STAT4: variants seen among roughly 807,000 people sequenced by gnomAD.
STAT4 encodes signal transducer and activator of transcription 4.
In STAT4, 42 loss-of-function variants were observed where a neutral mutation model predicts 110.5. The ratio of observed to expected loss-of-function variants is 0.38; its 90% CI spans 0.30 to 0.49. STAT4 has a LOEUF of 0.49. STAT4 is among the 20% of genes least tolerant of loss of function. The pLI is 0.95. For synonymous variants in STAT4, 284 were observed against 302.2 expected (o/e 0.94, Z 0.63); for missense variants, 632 against 887.9 (o/e 0.71, Z 3.66).
chr2:191,082,637 T>C lies in STAT4; in HGVS notation c.274-6312A>G, dbSNP rs575809709. On this transcript the variant is annotated intron_variant, in intron 3 of 23. Coordinates refer to ENST00000392320, the MANE Select transcript of STAT4 (RefSeq NM_003151.4). This position sits in a 1 kb window ranked among gnomAD's most constrained non-coding sequence, Gnocchi z 4.7. ...GCTATTTATTCTTTTTGCTACTTTA[T>C]GCTAAATTTCTTGGCTTTCCTTCAA... is the stretch of plus-strand genomic sequence containing the variant. Among the ~76,000 whole-genome samples the C allele has an allele frequency of 2.0e-5, 3 of 152,374 alleles. No homozygotes were observed. Among genetic ancestry groups the C allele is most frequent in the Non-Finnish European group, 4.4e-5 (3 of 68,036 alleles).
Position 191,058,450 on chromosome 2 carries a change from G to A in STAT4, c.1095-231C>T, listed in dbSNP as rs1228102795. On this transcript the variant is annotated intron_variant, in intron 11 of 23. Transcript: ENST00000392320. The surrounding 1 kb of genome is among the most constrained non-coding windows in gnomAD (Gnocchi z 4.3). ...GTAGCTGGGATTACAGGCATGAGCC[G>A]CCGCACCCGGTCTCTATGATACTTT... 6.6e-6 allele frequency among the ~76,000 whole-genome samples: 1 copy of A among 151,998 alleles called. No homozygotes were observed. Among genetic ancestry groups the A allele is most frequent in the Non-Finnish European group, 1.5e-5 (1 of 67,994 alleles).
At chr2:191,119,509 T>C (rs1051609946) in intron 3 of STAT4, among the ~76,000 whole-genome samples, 5 of 152,172 alleles carry the variant, frequency 3.3e-5, no homozygotes, top group Non-Finnish European at 7.3e-5. Context: ...CTGTAAAGCA[T>C]TGCTAAGAGA....
At position 191,042,938 on chromosome 2, in the gene STAT4, C is replaced by T. The variant is rs1696249488; in HGVS notation, c.1252-1790G>A. Reference sequence around the variant, plus strand: ...GGGATTACAGGCATGCGCCACCATGCCTGGCTAATTTTGTATTTTTAGTAG... The same window carrying T: ...GGGATTACAGGCATGCGCCACCATGTCTGGCTAATTTTGTATTTTTAGTAG... On this transcript the variant is annotated intron_variant, in intron 14 of 23. Transcript: ENST00000392320. This position sits in a 1 kb window ranked among gnomAD's most constrained non-coding sequence, Gnocchi z 4.2. Among the ~76,000 whole-genome samples the T allele has an allele frequency of 6.6e-6, 1 of 152,098 alleles. No individual in the cohort carries two copies. The highest frequency in any genetic ancestry group is 2.1e-4 in the South Asian group (1 of 4,830).
rs1699382609 is a variant in STAT4 at position 191,143,337 on chromosome 2, C to T, written c.273+3276G>A. Among the ~76,000 whole-genome samples, 1 of 152,196 alleles carries T rather than the reference C, an allele frequency of 6.6e-6. No homozygotes were observed. The highest frequency in any genetic ancestry group is 1.5e-5 in the Non-Finnish European group (1 of 68,038). On this transcript the variant is annotated intron_variant, in intron 3 of 23. Transcript: ENST00000392320. The surrounding 1 kb of genome is among the most constrained non-coding windows in gnomAD (Gnocchi z 5.6). ...AGTACCAGTGTGATTGCCCCTTACA[C>T]TGCTGAGGAAACTGAGGCCAGAGTG...
Position 191,146,697 on chromosome 2 carries a change from T to C in STAT4, c.189A>G (p.Gln63=). The change falls in exon 3 of 24, where the codon CAA becomes CAG. Residue 63 remains glutamine (Q), a synonymous_variant. Coordinates refer to ENST00000392320, the MANE Select transcript of STAT4 (RefSeq NM_003151.4). The surrounding 1 kb of genome is among the most constrained non-coding windows in gnomAD (Gnocchi z 4.5). The part of the protein sequence containing the change: ...ATILLQNLLI[Q]LDEQLGRVSK... ...AAACACGACCTAACTGTTCATCCAG[T>C]TGTATTAACAAGTTTTGAAGAAGAA... is the stretch of plus-strand genomic sequence containing the variant. 3 of 1,592,772 alleles carry C rather than the reference T, an allele frequency of 1.9e-6. No homozygotes were observed. Among genetic ancestry groups the C allele is most frequent in the Non-Finnish European group, 1.7e-6 (2 of 1,170,292 alleles).
At chr2:191,119,155 T>C (rs113934447) in intron 3 of STAT4, among the ~76,000 whole-genome samples, 28 of 152,324 alleles carry the variant, frequency 1.8e-4, no homozygotes, top group African/African-American at 6.5e-4. Flanking sequence ...AACAGGTATG[T>C]GTACTTCACC....
In STAT4 at chr2:191,140,920, A is replaced by T. The variant is rs907834837; in HGVS notation, c.273+5693T>A. Among the ~76,000 whole-genome samples the T allele has an allele frequency of 6.6e-6, 1 of 152,222 alleles. No individual in the cohort carries two copies. The highest frequency in any genetic ancestry group is 1.9e-4 in the East Asian group (1 of 5,202). On this transcript the variant is annotated intron_variant, in intron 3 of 23. Transcript: ENST00000392320. This position sits in a 1 kb window ranked among gnomAD's most constrained non-coding sequence, Gnocchi z 4.4. ...TACTACTCAGCCATAAAAAGGAATG[A>T]AATAATGTCTTTTGCAGCAACCTGG...
chr2:191,029,768 G>T lies in STAT4; in HGVS notation c.*72C>A. ...TTACAAAGCTGAAGAAATAAAATGT[G>T]GTTATTGGGCAAAGAACAGTCTTTA... is the stretch of plus-strand genomic sequence containing the variant. On this transcript the variant is annotated 3_prime_UTR_variant, in exon 24 of 24. Transcript: ENST00000392320. This position sits in a 1 kb window ranked among gnomAD's most constrained non-coding sequence, Gnocchi z 4.5. The T allele has an allele frequency of 7.5e-7, 1 of 1,333,792 alleles. No individual in the cohort carries two copies. Among genetic ancestry groups the T allele is most frequent in the East Asian group, 2.4e-5 (1 of 42,500 alleles). The allele number at this position is 1,333,792 out of a possible 1,614,324, so 82.6% of individuals were successfully genotyped here. A position where few individuals can be genotyped will look rare whatever the true frequency, so the allele number is the denominator to read the frequency against.
chr2:191,034,688 A>C, intron 17 of STAT4, 91 bp from the exon 18 acceptor site: 1 of 944,392 alleles, frequency 1.1e-6, no homozygotes, highest in East Asian at 2.5e-5. Context: ...CTTCCCTTTC[A>C]AGCATTTCTT....
chr2:191,114,556 GT>G (rs1698523064), intron 3 of STAT4, among the ~76,000 whole-genome samples: 1 of 152,148 alleles, frequency 6.6e-6, no homozygotes, highest in South Asian at 2.1e-4. Flanking sequence ...TGCATAACTT[GT>G]GTTTTCCATT....
chr2:191,119,404 T>C (rs770580216), intron 3 of STAT4, among the ~76,000 whole-genome samples: 10 of 152,104 alleles, frequency 6.6e-5, no homozygotes, highest in Non-Finnish European at 1.3e-4. Flanking sequence ...CTTATAAAGA[T>C]AGAATGGAGT....
chr2:191,092,263 G>T (rs1325722044), intron 3 of STAT4, among the ~76,000 whole-genome samples: 2 of 152,090 alleles, frequency 1.3e-5, no homozygotes, highest in Non-Finnish European at 2.9e-5. Flanking sequence ...AATTAGCCAG[G>T]CATGGTGGCA....
rs563264848 is a variant in STAT4 at position 191,035,173 on chromosome 2, A to G, written c.1571-576T>C. On this transcript the variant is annotated intron_variant, in intron 17 of 23. Coordinates refer to ENST00000392320, the MANE Select transcript of STAT4 (RefSeq NM_003151.4). This position sits in a 1 kb window ranked among gnomAD's most constrained non-coding sequence, Gnocchi z 4.7. Reference sequence around the variant, plus strand: ...TTAAGGACATTATACTCATAAGAATAATTTGATAAAGGTCTGAAAGGATAT... The same window carrying G: ...TTAAGGACATTATACTCATAAGAATGATTTGATAAAGGTCTGAAAGGATAT... 1.1e-4 allele frequency among the ~76,000 whole-genome samples: 16 copies of G among 152,352 alleles called. No individual in the cohort carries two copies. The highest frequency in any genetic ancestry group is 2.0e-4 in the Admixed American group (3 of 15,306).
At chr2:191,137,476 T>C (rs563421255) in intron 3 of STAT4, among the ~76,000 whole-genome samples, 1 of 152,026 alleles carries the variant, frequency 6.6e-6, no homozygotes, top group Non-Finnish European at 1.5e-5. Flanking sequence ...AAAATACCAA[T>C]GTCGTTTTTC....
At chr2:191,089,455 G>C in intron 3 of STAT4, among the ~76,000 whole-genome samples, 1 of 152,156 alleles carries the variant, frequency 6.6e-6, no homozygotes, top group Admixed American at 6.5e-5. Flanking sequence ...TTTGTTGCTC[G>C]TGGGAGTGAA....
chr2:191,040,978 C>T, intron 15 of STAT4, 87 bp downstream of exon 15: 3 of 847,528 alleles, frequency 3.5e-6, no homozygotes, highest in Non-Finnish European at 5.0e-6. Flanking sequence ...GTACTAAAAC[C>T]TAGAAAAGAC....
At chr2:191,122,354 CAT>C (rs1698761459) in intron 3 of STAT4, among the ~76,000 whole-genome samples, 1 of 149,664 alleles carries the variant, frequency 6.7e-6, no homozygotes, top group Non-Finnish European at 1.5e-5. Flanking sequence ...CTGGCAATAA[CAT>C]GTGTTGACTA....
Position 191,110,468 on chromosome 2 carries a change from G to A in STAT4, c.274-34143C>T, listed in dbSNP as rs574583652. Among the ~76,000 whole-genome samples, 10 of 152,202 alleles carry A rather than the reference G, an allele frequency of 6.6e-5. No homozygotes were observed. Among genetic ancestry groups the A allele is most frequent in the South Asian group, 4.2e-4 (2 of 4,812 alleles). On this transcript the variant is annotated intron_variant, in intron 3 of 23. Transcript: ENST00000392320. This position sits in a 1 kb window ranked among gnomAD's most constrained non-coding sequence, Gnocchi z 4.5. Reference sequence around the variant, plus strand: ...AAGATAGCTATTATTCCTATTTTACGGGCAGGGCAACGGGCTGAGGGAAGC... The same window carrying A: ...AAGATAGCTATTATTCCTATTTTACAGGCAGGGCAACGGGCTGAGGGAAGC...
At chr2:191,114,681 A>C (rs549906630) in intron 3 of STAT4, among the ~76,000 whole-genome samples, 1 of 152,248 alleles carries the variant, frequency 6.6e-6, no homozygotes, top group African/African-American at 2.4e-5. Context: ...TAATCAAAGC[A>C]CTGGGGCTCT....
Sources: allele counts gnomAD v4.1 joint callset (sites outside exome capture counted in the v4.1 genomes callset), GRCh38; gene constraint gnomAD v4.1.1; non-coding constraint Gnocchi (gnomAD v3.1); transcripts MANE v1.5; gene names NCBI Gene and HGNC (gene_info 2026-07-23, HGNC 2026-07-21).